The following RNF144B variants were observed in gnomAD, a reference collection of about 807,000 sequenced individuals.
The protein encoded by RNF144B is ring finger protein 144B.
A neutral mutation model predicts 40.2 loss-of-function variants in RNF144B; 25 were observed. The ratio of observed to expected loss-of-function variants is 0.62; its 90% CI spans 0.45 to 0.87. RNF144B has a LOEUF of 0.87. RNF144B is among the 40% of genes least tolerant of loss of function. The probability of loss-of-function intolerance (pLI) is 0.00; values close to 1 mark genes in which losing one functional copy is unlikely to be tolerated. For missense variants in RNF144B, 365 were observed against 373.7 expected (o/e 0.98, Z 0.19); for synonymous variants, 145 against 136.3 (o/e 1.06, Z -0.44).
intron 2 of RNF144B, among the ~76,000 whole-genome samples, 189 bp from the exon 3 acceptor site, chr6:18,427,392 A>G (rs2113498927): frequency 6.6e-6 from 1 of 152,304 alleles, no homozygotes; most frequent in South Asian, 2.1e-4. Context: ...ATACATAATT[A>G]ATTGCCTGTC....
intron 3 of RNF144B, among the ~76,000 whole-genome samples, chr6:18,433,576 G>A (rs1409473527): frequency 2.0e-5 from 3 of 152,186 alleles, no homozygotes; most frequent in Non-Finnish European, 4.4e-5. Context: ...GAAAAGACGG[G>A]ATGATATATG....
At chr6:18,424,230 G>C (rs914274705) in intron 2 of RNF144B, among the ~76,000 whole-genome samples, 1 of 152,140 alleles carries the variant, frequency 6.6e-6, no homozygotes, top group African/African-American at 2.4e-5. Context: ...AGGGACACTC[G>C]AGATTAAATG....
intron 2 of RNF144B, among the ~76,000 whole-genome samples, chr6:18,408,938 GTTTTTTTTTTT>G: frequency 6.9e-6 from 1 of 144,024 alleles, no homozygotes; most frequent in African/African-American, 2.6e-5. Flanking sequence ...CCAGAAAAGT[GTTTTTTTTTTT>G]TTTTTTTCTC....
intron 1 of RNF144B, among the ~76,000 whole-genome samples, chr6:18,389,428 G>A (rs1272602501): frequency 6.6e-6 from 1 of 152,130 alleles, no homozygotes; most frequent in African/African-American, 2.4e-5. Flanking sequence ...CTCCTCAGTA[G>A]TATGAATATT....
At position 18,457,201 on chromosome 6, in the gene RNF144B, T is replaced by C. The variant is rs1562059518; in HGVS notation, c.378T>C (p.Cys126=). 6.2e-7 allele frequency: 1 copy of C among 1,614,168 alleles called. No homozygotes were observed. Among genetic ancestry groups the C allele is most frequent in the Non-Finnish European group, 8.5e-7 (1 of 1,180,028 alleles). ...PYRTWCPVAD[C]QTVCPVASSD... ...GAACATGGTGTCCTGTTGCAGACTG[T>C]CAGACAGTGTGCCCTGTTGCCTCGA... Residue 126 remains cysteine, a synonymous_variant, in exon 5 of 8, where the codon TGT becomes TGC. Transcript: ENST00000259939. The surrounding 1 kb of genome is among the most constrained non-coding windows in gnomAD (Gnocchi z 5.1).
chr6:18,415,526 G>C (rs1254014266), intron 2 of RNF144B, among the ~76,000 whole-genome samples: 2 of 152,186 alleles, frequency 1.3e-5, no homozygotes, highest in Admixed American at 1.3e-4. Context: ...CCATTCATGA[G>C]AGTGGGGTCT....
rs1795115858 is a variant in RNF144B, at chr6:18,414,849, G to A, written c.166-12732G>A. Among the ~76,000 whole-genome samples, 1 of 152,090 alleles carries A rather than the reference G, an allele frequency of 6.6e-6. No homozygotes were observed. Among genetic ancestry groups the A allele is most frequent in the Non-Finnish European group, 1.5e-5 (1 of 67,996 alleles). ...AACTTTTAAAAAGATGGAAAAAATT[G>A]TACAACAGTTTGTTATGAAACAAGA... On this transcript the variant is annotated intron_variant, in intron 2 of 7. Transcript: ENST00000259939. This position sits in a 1 kb window ranked among gnomAD's most constrained non-coding sequence, Gnocchi z 4.9.
At chr6:18,426,508 TCTTAA>T (rs1287883359) in intron 2 of RNF144B, among the ~76,000 whole-genome samples, 2 of 152,176 alleles carry the variant, frequency 1.3e-5, no homozygotes, top group East Asian at 1.9e-4. Flanking sequence ...TCAGTCCCTC[TCTTAA>T]CTTTTCAGTC....
intron 1 of RNF144B, among the ~76,000 whole-genome samples, chr6:18,394,613 G>GA (rs67659754): frequency 3.8e-4 from 51 of 132,518 alleles, no homozygotes; most frequent in Middle Eastern, 3.9e-3. Context: ...CCCCAACCAA[G>GA]AAAAAAAAAA....
At chr6:18,428,249 T>C (rs1758610910) in intron 3 of RNF144B, among the ~76,000 whole-genome samples, 1 of 152,176 alleles carries the variant, frequency 6.6e-6, no homozygotes. Context: ...TCTGCAGACC[T>C]GTGAGTCAAT....
chr6:18,467,106 G>A lies in RNF144B; in HGVS notation c.*2039G>A, dbSNP rs960064902. The A allele has an allele frequency of 2.0e-5, 3 of 152,550 alleles. No homozygotes were observed. Among genetic ancestry groups the A allele is most frequent in the African/African-American group, 7.2e-5 (3 of 41,414 alleles). 9.4% of individuals were successfully genotyped at this position (152,550 alleles called of 1,614,324 possible). On this transcript the variant is annotated 3_prime_UTR_variant, in exon 8 of 8. Coordinates refer to ENST00000259939, the MANE Select transcript of RNF144B (RefSeq NM_182757.4). ...ACACGTAGCCCACTGCCTCATTATA[G>A]GTAAAAGGCATTTATAACTGCTCAG...
intron 4 of RNF144B, among the ~76,000 whole-genome samples, chr6:18,452,641 A>G (rs970066547): frequency 2.0e-5 from 3 of 152,114 alleles, no homozygotes; most frequent in African/African-American, 7.2e-5. Context: ...GTAGTACTTG[A>G]CCTTTTTTAA....
chr6:18,450,865 T>G lies in RNF144B; in HGVS notation c.332-6290T>G, dbSNP rs1759195533. 6.6e-6 allele frequency among the ~76,000 whole-genome samples: 1 copy of G among 152,230 alleles called. No homozygotes were observed. The highest frequency in any genetic ancestry group is 6.5e-5 in the Admixed American group (1 of 15,284). The stretch of plus-strand genomic sequence containing the variant: ...CCTCAGGGATTTTTTAAAAAAGATC[T>G]GTTGATATGGTGCTTTATCTCTTTG... On this transcript the variant is annotated intron_variant, in intron 4 of 7. Coordinates refer to ENST00000259939, the MANE Select transcript of RNF144B (RefSeq NM_182757.4). This position sits in a 1 kb window ranked among gnomAD's most constrained non-coding sequence, Gnocchi z 4.7.
At chr6:18,455,985 C>T (rs1163484657) in intron 4 of RNF144B, among the ~76,000 whole-genome samples, 1 of 151,808 alleles carries the variant, frequency 6.6e-6, no homozygotes, top group Non-Finnish European at 1.5e-5. Context: ...TGCAGTGGTG[C>T]GATCTCAGCT....
chr6:18,428,340 A>G (rs1258354499), intron 3 of RNF144B, among the ~76,000 whole-genome samples: 1 of 152,156 alleles, frequency 6.6e-6, no homozygotes, highest in East Asian at 1.9e-4. Flanking sequence ...TGGTCTTGTA[A>G]ATTGTAATAC....
At position 18,457,940 on chromosome 6, in the gene RNF144B, G is replaced by T. The variant is rs865825313; in HGVS notation, c.536+581G>T. Among the ~76,000 whole-genome samples the T allele has an allele frequency of 4.0e-5, 6 of 150,796 alleles. No individual in the cohort carries two copies. The highest frequency in any genetic ancestry group is 1.2e-4 in the African/African-American group (5 of 40,906). The stretch of plus-strand genomic sequence containing the variant: ...TTTTTAGTACAGCGGGTTTTTTTTT[G>T]TTTTGTTTTGTTTTTGAGACAGAGT... On this transcript the variant is annotated intron_variant, in intron 5 of 7. Transcript: ENST00000259939. The surrounding 1 kb of genome is among the most constrained non-coding windows in gnomAD (Gnocchi z 5.1).
rs1170292902 is a variant in RNF144B at position 18,465,360 on chromosome 6, T to TG, written c.*293_*294insG. ...CATCCAAAGGATCTCACTGGACTGTTCAACTTCCAGCCAAATTCAAGGAGC... is the reference window on the plus strand; with the variant it reads ...CATCCAAAGGATCTCACTGGACTGTTGCAACTTCCAGCCAAATTCAAGGAGC... On this transcript the variant is annotated 3_prime_UTR_variant, in exon 8 of 8. Transcript: ENST00000259939. 2 of 324,918 alleles carry TG rather than the reference T, an allele frequency of 6.2e-6. No individual in the cohort carries two copies. The highest frequency in any genetic ancestry group is 1.1e-5 in the Non-Finnish European group (2 of 178,044). The allele number at this position is 324,918 out of a possible 1,614,324, so 20.1% of individuals were successfully genotyped here. A position where few individuals can be genotyped will look rare whatever the true frequency, so the allele number is the denominator to read the frequency against.
chr6:18,452,105 A>G (rs1759221444), intron 4 of RNF144B, among the ~76,000 whole-genome samples: 1 of 152,218 alleles, frequency 6.6e-6, no homozygotes, highest in Admixed American at 6.5e-5. Context: ...ATACAAGGCA[A>G]TTCAAGATGG....
rs911459836 is a variant in RNF144B at position 18,442,812 on chromosome 6, T to C, written c.331+3068T>C. Among the ~76,000 whole-genome samples, 13 of 152,214 alleles carry C rather than the reference T, an allele frequency of 8.5e-5. No individual in the cohort carries two copies. The highest frequency in any genetic ancestry group is 2.9e-4 in the African/African-American group (12 of 41,464). On this transcript the variant is annotated intron_variant, in intron 4 of 7. Transcript: ENST00000259939. The surrounding 1 kb of genome is among the most constrained non-coding windows in gnomAD (Gnocchi z 4.3). ...TACAATATCTGTCCTTTTGTGTTTG[T>C]CTTATTTTACTTAATATATGTTTTT...
Sources: gnomAD v4.1 joint callset for allele counts (sites outside exome capture counted in the v4.1 genomes callset) on GRCh38, gnomAD v4.1.1 for gene constraint, Gnocchi (gnomAD v3.1) non-coding constraint, MANE v1.5 for transcripts, NCBI Gene and HGNC (gene_info 2026-07-23, HGNC 2026-07-21) for gene names.